Variants in ABI3BP observed in about 807,000 individuals in gnomAD.
The protein encoded by ABI3BP is target of Nesh-SH3.
A neutral mutation model predicts 268.6 loss-of-function variants in ABI3BP; 216 were observed. The observed-to-expected ratio is 0.80, with a 90% CI of 0.72 to 0.90. The LOEUF (loss-of-function observed/expected upper bound fraction) is 0.90. Among genes scored for constraint, ABI3BP ranks in the 40% least tolerant of loss-of-function variants. ABI3BP has a pLI of 0.00. For synonymous variants in ABI3BP, 730 were observed against 730.0 expected (o/e 1.00, Z 0.00); for missense variants, 2,090 against 2,182.4 (o/e 0.96, Z 0.84).
At chr3:100,940,156 T>C (rs886235472) in intron 1 of ABI3BP, among the ~76,000 whole-genome samples, 3 of 152,042 alleles carry the variant, frequency 2.0e-5, no homozygotes. Context: ...GTTAATGCAA[T>C]TATCACATGG....
At chr3:100,924,246 T>G (rs2061151863) in intron 2 of ABI3BP, among the ~76,000 whole-genome samples, 1 of 152,054 alleles carries the variant, frequency 6.6e-6, no homozygotes. Flanking sequence ...AAAAGATACT[T>G]AAGAGGCATA....
chr3:100,864,225 T>C (rs547034761), intron 11 of ABI3BP, 149 bp from the exon 12 acceptor site: 2 of 637,442 alleles, frequency 3.1e-6, no homozygotes, highest in Non-Finnish European at 5.6e-6. Flanking sequence ...CCTGGAAAAG[T>C]TACATAGCTG....
chr3:100,863,110 A>G, intron 12 of ABI3BP: 1 of 545,400 alleles, frequency 1.8e-6, no homozygotes. Flanking sequence ...TTAAGTGACT[A>G]AATTTAAGCT....
chr3:100,750,754 TG>T, intron 67 of ABI3BP, 144 bp from the exon 68 acceptor site: 1 of 612,712 alleles, frequency 1.6e-6, no homozygotes, highest in South Asian at 2.2e-5. Flanking sequence ...CAAGAAGTTC[TG>T]GTGTTTTTTC....
At chr3:100,844,390 C>A (rs759769938) in intron 20 of ABI3BP, 3 of 985,224 alleles carry the variant, frequency 3.0e-6, no homozygotes, top group African/African-American at 3.5e-5. Context: ...TTGAGAAATG[C>A]GCTGAATTGT....
At chr3:100,980,805 A>G (rs1054103747) in intron 1 of ABI3BP, among the ~76,000 whole-genome samples, 1 of 152,204 alleles carries the variant, frequency 6.6e-6, no homozygotes, top group Non-Finnish European at 1.5e-5. Flanking sequence ...AGTTCCATGG[A>G]AATATTGGTT....
chr3:100,935,382 A>G (rs1378281712), intron 1 of ABI3BP, among the ~76,000 whole-genome samples: 1 of 151,862 alleles, frequency 6.6e-6, no homozygotes, highest in South Asian at 2.1e-4. Context: ...TTACTGTAGC[A>G]TTTTAGTATA....
Position 100,765,835 on chromosome 3 carries a change from G to A in ABI3BP, c.4850+6C>T. ...GAATTTACCTGGAATAGCACTGGTG[G>A]CTTACCTCGTGTTTGGTTTCAGATT... On this transcript the variant is annotated splice_donor_region_variant and intron_variant, in intron 63 of 67. Coordinates refer to ENST00000471714, the MANE Select transcript of ABI3BP (RefSeq NM_001375547.2). 6.3e-7 allele frequency: 1 copy of A among 1,589,592 alleles called. No individual in the cohort carries two copies. Among genetic ancestry groups the A allele is most frequent in the Non-Finnish European group, 8.6e-7 (1 of 1,162,086 alleles).
At chr3:100,882,458 A>ATT (rs201694576) in intron 6 of ABI3BP, among the ~76,000 whole-genome samples, 10 of 146,378 alleles carry the variant, frequency 6.8e-5, no homozygotes, top group African/African-American at 9.9e-5. Context: ...ATATATATAT[A>ATT]TATTTTTTTT....
intron 9 of ABI3BP, among the ~76,000 whole-genome samples, chr3:100,874,200 G>T (rs1561122648): frequency 6.6e-6 from 1 of 151,860 alleles, no homozygotes; most frequent in Admixed American, 6.6e-5. Flanking sequence ...GTGGTGGGGG[G>T]TGGTGGGCAG....
chr3:100,832,148 C>G (rs2098504619), intron 31 of ABI3BP, 116 bp downstream of exon 31: 3 of 959,218 alleles, frequency 3.1e-6, no homozygotes, highest in Non-Finnish European at 3.0e-6. Context: ...TAACCAGTAG[C>G]TTTTACTCTT....
rs544928284 is a variant in ABI3BP, at chr3:100,787,640, T to G, written c.4162+88A>C. ...ACTTTAAAAACTGGTAAAAAGGAAA[T>G]TAAAATGTGAATTCAGCAATATCAT... On this transcript the variant is annotated intron_variant, in intron 57 of 67. Coordinates refer to ENST00000471714, the MANE Select transcript of ABI3BP (RefSeq NM_001375547.2). 24 of 1,147,342 alleles carry G rather than the reference T, an allele frequency of 2.1e-5. No individual in the cohort carries two copies. The South Asian group carries it at 4.1e-4, about 20-fold the overall frequency. The allele number at this position is 1,147,342 out of a possible 1,614,324, so 71.1% of individuals were successfully genotyped here. A position where few individuals can be genotyped will look rare whatever the true frequency, so the allele number is the denominator to read the frequency against.
At chr3:100,839,879 A>G (rs1275592244) in intron 23 of ABI3BP, among the ~76,000 whole-genome samples, 193 bp downstream of exon 23, 1 of 152,264 alleles carries the variant, frequency 6.6e-6, no homozygotes, top group African/African-American at 2.4e-5. Flanking sequence ...CCTAATAACT[A>G]TGACTGAGAG....
At position 100,874,235 on chromosome 3, in the gene ABI3BP, G is replaced by A. The variant is rs560420126; in HGVS notation, c.910+606C>T. Among the ~76,000 whole-genome samples the A allele has an allele frequency of 7.9e-5, 12 of 152,238 alleles. No individual in the cohort carries two copies. The South Asian group carries it at 2.5e-3, about 32-fold the overall frequency. On this transcript the variant is annotated intron_variant, in intron 9 of 67. Coordinates refer to ENST00000471714, the MANE Select transcript of ABI3BP (RefSeq NM_001375547.2). ...GCAGTCTTTGTGTTAAGCCCTCCAG[G>A]TGCTCCTGATGTTTGATCAAGCTTG... is the stretch of plus-strand genomic sequence containing the variant.
chr3:100,881,330 G>C (rs1354133731), intron 6 of ABI3BP, among the ~76,000 whole-genome samples: 3 of 152,120 alleles, frequency 2.0e-5, no homozygotes, highest in African/African-American at 4.8e-5. Flanking sequence ...ATTTTAACAA[G>C]TGGTACCACT....
At chr3:100,899,130 C>CATGTAT (rs2048998261) in intron 3 of ABI3BP, among the ~76,000 whole-genome samples, 1 of 152,162 alleles carries the variant, frequency 6.6e-6, no homozygotes, top group South Asian at 2.1e-4. Flanking sequence ...TATGCATACA[C>CATGTAT]ATGTATATGT....
intron 1 of ABI3BP, among the ~76,000 whole-genome samples, chr3:100,981,525 G>T (rs1335032273): frequency 1.3e-5 from 2 of 152,178 alleles, no homozygotes; most frequent in East Asian, 3.8e-4. Context: ...TCCAGTACCT[G>T]CAGACTGACC....
At chr3:100,871,437 T>TA (rs1210040884) in intron 9 of ABI3BP, among the ~76,000 whole-genome samples, 8 of 152,342 alleles carry the variant, frequency 5.3e-5, no homozygotes, top group Admixed American at 3.3e-4. Flanking sequence ...CAGTGTGTGA[T>TA]ATGGTTTGGC....
intron 2 of ABI3BP, among the ~76,000 whole-genome samples, chr3:100,925,835 A>G (rs1365460122): frequency 1.4e-5 from 2 of 146,314 alleles, no homozygotes; most frequent in African/African-American, 5.1e-5. Context: ...AAAGCAATAT[A>G]AAATTTTATA....
Sources: allele counts gnomAD v4.1 joint callset (sites outside exome capture counted in the v4.1 genomes callset), GRCh38; gene constraint gnomAD v4.1.1; transcripts MANE v1.5; gene names NCBI Gene and HGNC (gene_info 2026-07-23, HGNC 2026-07-21).